The following KCNQ5 variants were observed in gnomAD, a reference collection of about 807,000 sequenced individuals.
KCNQ5 encodes potassium voltage-gated channel subfamily KQT member 5.
In KCNQ5, 30 loss-of-function variants were observed where a neutral mutation model predicts 98.2. That is an observed-to-expected ratio of 0.31 (90% CI 0.23 to 0.41). The LOEUF is 0.41. Among genes scored for constraint, KCNQ5 ranks in the 10% least tolerant of loss-of-function variants. KCNQ5 has a pLI of 1.00. For missense variants in KCNQ5, 835 were observed against 1,182.5 expected, an observed-to-expected ratio of 0.71 and a Z score of 4.31; for synonymous variants, 458 against 449.4, an observed-to-expected ratio of 1.02 and a Z score of -0.24.
intron 1 of KCNQ5, among the ~76,000 whole-genome samples, chr6:72,771,433 T>G (rs1191062930): frequency 6.6e-6 from 1 of 152,122 alleles, no homozygotes; most frequent in Non-Finnish European, 1.5e-5. Flanking sequence ...AAGGATTCCC[T>G]TTTCTCCACA....
At chr6:72,630,303 T>A (rs1051682792) in intron 1 of KCNQ5, among the ~76,000 whole-genome samples, 1 of 152,178 alleles carries the variant, frequency 6.6e-6, no homozygotes, top group African/African-American at 2.4e-5. Context: ...ACAAACTCAG[T>A]CATAGTGGTC....
chr6:73,193,307 A>AGAGTGC (rs1167485286), intron 13 of KCNQ5, among the ~76,000 whole-genome samples: 1 of 151,686 alleles, frequency 6.6e-6, no homozygotes, highest in Non-Finnish European at 1.5e-5. Context: ...GGCGTGAGCC[A>AGAGTGC]TAGCACTCTG....
intron 1 of KCNQ5, among the ~76,000 whole-genome samples, chr6:72,757,770 C>A (rs192202435): frequency 1.2e-4 from 18 of 152,178 alleles, no homozygotes; most frequent in Admixed American, 2.6e-4. Context: ...TTCAGAATTT[C>A]TCGCTGTGAT....
chr6:72,862,169 C>G (rs926844193), intron 1 of KCNQ5, among the ~76,000 whole-genome samples: 3 of 152,200 alleles, frequency 2.0e-5, no homozygotes, highest in African/African-American at 7.2e-5. Context: ...CTAGCACAAG[C>G]TGGTTGTCAC....
chr6:72,742,410 A>G (rs1361895873), intron 1 of KCNQ5, among the ~76,000 whole-genome samples: 1 of 152,188 alleles, frequency 6.6e-6, no homozygotes, highest in African/African-American at 2.4e-5. Context: ...CTGCTCACAT[A>G]TACAATTGTT....
intron 1 of KCNQ5, among the ~76,000 whole-genome samples, chr6:72,750,833 A>G (rs1439625935): frequency 6.6e-6 from 1 of 152,088 alleles, no homozygotes; most frequent in Non-Finnish European, 1.5e-5. Context: ...AAATTTTTAT[A>G]CCAGATGATA....
At chr6:72,696,516 A>T (rs943778916) in intron 1 of KCNQ5, among the ~76,000 whole-genome samples, 1 of 152,236 alleles carries the variant, frequency 6.6e-6, no homozygotes, top group African/African-American at 2.4e-5. Flanking sequence ...TTCAAAAAAG[A>T]TGCAGGTTAA....
intron 1 of KCNQ5, among the ~76,000 whole-genome samples, chr6:72,970,432 T>C (rs145702595): frequency 1.3e-4 from 20 of 152,372 alleles, no homozygotes; most frequent in Admixed American, 1.3e-3. Context: ...CATATGCACA[T>C]GTATTCAATG....
intron 1 of KCNQ5, among the ~76,000 whole-genome samples, chr6:72,827,803 C>A (rs1934820452): frequency 6.6e-6 from 1 of 152,002 alleles, no homozygotes; most frequent in East Asian, 1.9e-4. Flanking sequence ...AATATTTTCC[C>A]AGTCCAATGT....
chr6:72,905,864 G>T (rs1779677890), intron 1 of KCNQ5, among the ~76,000 whole-genome samples: 1 of 152,182 alleles, frequency 6.6e-6, no homozygotes, highest in African/African-American at 2.4e-5. Context: ...CTATCTTTAT[G>T]CTGCTTGGCC....
chr6:72,864,209 C>A (rs1202078880), intron 1 of KCNQ5, among the ~76,000 whole-genome samples: 1 of 152,178 alleles, frequency 6.6e-6, no homozygotes, highest in African/African-American at 2.4e-5. Flanking sequence ...AGCATGCATG[C>A]CAGCCATGCC....
chr6:73,157,439 G>A (rs759689577), intron 10 of KCNQ5: 3 of 661,684 alleles, frequency 4.5e-6, no homozygotes, highest in Non-Finnish European at 8.3e-6. Context: ...GGGGGCGGGG[G>A]CGGTGGGAGC....
intron 1 of KCNQ5, among the ~76,000 whole-genome samples, chr6:72,956,489 C>CTTTTTTTT (rs35114790): frequency 1.8e-5 from 2 of 112,010 alleles, no homozygotes; most frequent in Non-Finnish European, 3.7e-5. Context: ...TTTCTTTTTT[C>CTTTTTTTT]TTTTTTTTTT....
intron 6 of KCNQ5, among the ~76,000 whole-genome samples, chr6:73,106,046 G>A (rs1243507813): frequency 2.0e-5 from 3 of 152,198 alleles, no homozygotes; most frequent in East Asian, 1.9e-4. Context: ...CGCTCCATCT[G>A]GGGTAGGGAA....
intron 1 of KCNQ5, among the ~76,000 whole-genome samples, chr6:72,627,746 A>C (rs1345073378): frequency 2.0e-5 from 3 of 152,194 alleles, no homozygotes; most frequent in African/African-American, 7.2e-5. Flanking sequence ...ATGCACTCTA[A>C]GCCCCACCCT....
chr6:72,922,902 C>T (rs1341486108), intron 1 of KCNQ5, among the ~76,000 whole-genome samples: 1 of 146,966 alleles, frequency 6.8e-6, no homozygotes, highest in East Asian at 2.0e-4. Context: ...ACCTCAGCCT[C>T]CTGGGTTGAA....
At chr6:73,173,789 GGA>G (rs1778104558) in intron 11 of KCNQ5, among the ~76,000 whole-genome samples, 1 of 137,078 alleles carries the variant, frequency 7.3e-6, no homozygotes, top group Non-Finnish European at 1.5e-5. Context: ...GTCTCTAAAG[GGA>G]AAAAAAAAAA....
At chr6:72,790,841 C>T (rs554702859) in intron 1 of KCNQ5, among the ~76,000 whole-genome samples, 33 of 152,160 alleles carry the variant, frequency 2.2e-4, no homozygotes, top group African/African-American at 7.9e-4. Context: ...GATAAAAAAA[C>T]AGAGTTTTTA....
chr6:72,645,729 C>T (rs1458388575), intron 1 of KCNQ5, among the ~76,000 whole-genome samples: 1 of 152,046 alleles, frequency 6.6e-6, no homozygotes, highest in East Asian at 1.9e-4. Flanking sequence ...GACTCAAGAG[C>T]ATTCAGTTGT....
Sources: allele counts gnomAD v4.1 joint callset (sites outside exome capture counted in the v4.1 genomes callset), GRCh38; gene constraint gnomAD v4.1.1; transcripts MANE v1.5; gene names NCBI Gene and HGNC (gene_info 2026-07-23, HGNC 2026-07-21).